Variants in KCNIP1 observed in about 807,000 individuals in gnomAD.
KCNIP1 encodes A-type potassium channel modulatory protein KCNIP1.
A neutral mutation model predicts 33.0 loss-of-function variants in KCNIP1; 18 were observed. The ratio of observed to expected loss-of-function variants is 0.55; its 90% CI spans 0.38 to 0.81. KCNIP1 has a LOEUF of 0.81. Among genes scored for constraint, KCNIP1 ranks in the 30% least tolerant of loss-of-function variants. The pLI is 0.00. For synonymous variants in KCNIP1, 93 were observed against 98.3 expected, an observed-to-expected ratio of 0.95 and a Z score of 0.32; for missense variants, 238 against 271.6, an observed-to-expected ratio of 0.88 and a Z score of 0.87.
chr5:170,430,064 C>G (rs1755706310), intron 1 of KCNIP1, among the ~76,000 whole-genome samples: 1 of 152,234 alleles, frequency 6.6e-6, no homozygotes, highest in Non-Finnish European at 1.5e-5. Context: ...CCCACACACT[C>G]TACTCCAAAG....
intron 1 of KCNIP1, among the ~76,000 whole-genome samples, chr5:170,638,630 C>T (rs1760395519): frequency 6.6e-6 from 1 of 152,114 alleles, no homozygotes; most frequent in Admixed American, 6.5e-5. Flanking sequence ...CCTCAGCCTC[C>T]CTGCTCTTCG....
intron 1 of KCNIP1, among the ~76,000 whole-genome samples, chr5:170,716,912 C>T (rs1763662050): frequency 6.6e-6 from 1 of 152,144 alleles, no homozygotes. Context: ...AAGAATACCT[C>T]ATTTACTCAA....
At chr5:170,517,015 G>A (rs917826867) in intron 1 of KCNIP1, among the ~76,000 whole-genome samples, 5 of 152,076 alleles carry the variant, frequency 3.3e-5, no homozygotes, top group African/African-American at 1.2e-4. Flanking sequence ...ATTCGTGGTG[G>A]TAATTATTAT....
intron 1 of KCNIP1, among the ~76,000 whole-genome samples, chr5:170,474,950 C>T (rs1056770468): frequency 6.6e-6 from 1 of 152,202 alleles, no homozygotes; most frequent in African/African-American, 2.4e-5. Context: ...GCTTTTATTT[C>T]CTTATTTGTC....
intron 1 of KCNIP1, among the ~76,000 whole-genome samples, chr5:170,656,950 G>A (rs568044559): frequency 1.3e-5 from 2 of 151,580 alleles, no homozygotes; most frequent in South Asian, 2.1e-4. Flanking sequence ...CATGTGCACA[G>A]ACATGACTCA....
At chr5:170,392,472 C>G (rs1754628659) in intron 1 of KCNIP1, among the ~76,000 whole-genome samples, 1 of 152,138 alleles carries the variant, frequency 6.6e-6, no homozygotes, top group Admixed American at 6.5e-5. Context: ...AGGATTAAAC[C>G]AGTGAGAATT....
At chr5:170,730,839 T>TAA (rs34072627) in intron 5 of KCNIP1, among the ~76,000 whole-genome samples, 2 of 146,312 alleles carry the variant, frequency 1.4e-5, no homozygotes, top group African/African-American at 2.5e-5. Context: ...TAAAAGTGCT[T>TAA]AAAAAAAAAA....
intron 1 of KCNIP1, among the ~76,000 whole-genome samples, chr5:170,661,250 A>G (rs1028096558): frequency 6.6e-6 from 1 of 152,140 alleles, no homozygotes; most frequent in Non-Finnish European, 1.5e-5. Flanking sequence ...GGGGGGGCCC[A>G]CACAGGGGTC....
At chr5:170,617,346 C>G (rs961477890) in intron 1 of KCNIP1, among the ~76,000 whole-genome samples, 7 of 151,950 alleles carry the variant, frequency 4.6e-5, no homozygotes, top group African/African-American at 1.5e-4. Flanking sequence ...TCTCTTTGAG[C>G]CGGCAGGTTA....
chr5:170,644,580 G>C lies in KCNIP1; in HGVS notation c.62-74178G>C, dbSNP rs190758535. ...CACCAAGTAAGCTCAAGACAAAAAT[G>C]ATGAGTGACTCAACAGTGTCTGGGG... On this transcript the variant is annotated intron_variant, in intron 1 of 7. Coordinates refer to ENST00000328939, the MANE Select transcript of KCNIP1 (RefSeq NM_014592.4). Among the ~76,000 whole-genome samples the C allele has an allele frequency of 1.1e-4, 17 of 152,304 alleles. No individual in the cohort carries two copies. The East Asian group carries it at 2.9e-3, about 26-fold the overall frequency.
At chr5:170,383,570 T>G (rs1192272655) in intron 1 of KCNIP1, 12 of 1,224,788 alleles carry the variant, frequency 9.8e-6, no homozygotes, top group Non-Finnish European at 1.4e-5. Context: ...CTGTGAGACC[T>G]GGTCAAGTGG....
intron 1 of KCNIP1, among the ~76,000 whole-genome samples, chr5:170,568,743 G>T (rs1159495760): frequency 6.7e-6 from 1 of 150,006 alleles, no homozygotes; most frequent in Non-Finnish European, 1.5e-5. Context: ...GAATCACTTG[G>T]ACCTGAGAGG....
At chr5:170,490,192 A>C (rs1341074304) in intron 1 of KCNIP1, among the ~76,000 whole-genome samples, 2 of 152,216 alleles carry the variant, frequency 1.3e-5, no homozygotes, top group East Asian at 3.9e-4. Context: ...CCTCCCCTGC[A>C]AAGTGAAGGC....
intron 1 of KCNIP1, among the ~76,000 whole-genome samples, chr5:170,416,452 GA>G (rs1370639251): frequency 6.6e-6 from 1 of 152,194 alleles, no homozygotes; most frequent in Non-Finnish European, 1.5e-5. Context: ...TCACTGAAGA[GA>G]CTCGTCATTC....
At chr5:170,634,222 C>T (rs1459445478) in intron 1 of KCNIP1, among the ~76,000 whole-genome samples, 1 of 152,148 alleles carries the variant, frequency 6.6e-6, no homozygotes, top group Non-Finnish European at 1.5e-5. Flanking sequence ...AACTTATGTT[C>T]GGACTTGTTA....
At chr5:170,682,907 G>A (rs1260519511) in intron 1 of KCNIP1, among the ~76,000 whole-genome samples, 1 of 147,996 alleles carries the variant, frequency 6.8e-6, no homozygotes, top group Non-Finnish European at 1.5e-5. Flanking sequence ...GGGATTACAG[G>A]CGTGAGCCAC....
intron 1 of KCNIP1, among the ~76,000 whole-genome samples, chr5:170,635,649 G>A (rs1157539407): frequency 1.3e-5 from 2 of 152,252 alleles, no homozygotes; most frequent in African/African-American, 2.4e-5. Context: ...TGCACTGTAA[G>A]GGACAAGGGG....
rs1764392350 is a variant in KCNIP1, at chr5:170,736,446, GC to G, written c.*641del. 6.5e-6 allele frequency: 1 copy of G among 152,748 alleles called. No homozygotes were observed. Among genetic ancestry groups the G allele is most frequent in the South Asian group, 2.1e-4 (1 of 4,810 alleles). The allele number at this position is 152,748 out of a possible 1,614,324, so 9.5% of individuals were successfully genotyped here. A position where few individuals can be genotyped will look rare whatever the true frequency, so the allele number is the denominator to read the frequency against. On this transcript the variant is annotated 3_prime_UTR_variant, in exon 8 of 8. Coordinates refer to ENST00000328939, the MANE Select transcript of KCNIP1 (RefSeq NM_014592.4). ...ATAATTCTCTCACACTGGCATTTGT[GC>G]TGGTAGTACAAGTCCTTTAATATGT...
intron 1 of KCNIP1, among the ~76,000 whole-genome samples, chr5:170,599,910 C>T (rs1187192813): frequency 1.3e-5 from 2 of 152,234 alleles, no homozygotes; most frequent in African/African-American, 4.8e-5. Context: ...CACTCCCTTT[C>T]CACTGCCTAT....
Sources: allele counts gnomAD v4.1 joint callset (sites outside exome capture counted in the v4.1 genomes callset), GRCh38; gene constraint gnomAD v4.1.1; transcripts MANE v1.5; gene names NCBI Gene and HGNC (gene_info 2026-07-23, HGNC 2026-07-21).